Variants in FKBP5 observed in about 807,000 individuals in gnomAD.
The protein encoded by FKBP5 is peptidyl-prolyl cis-trans isomerase FKBP5.
A neutral mutation model predicts 50.5 loss-of-function variants in FKBP5; 23 were observed. The observed-to-expected ratio is 0.46, with a 90% CI of 0.33 to 0.65. FKBP5 has a LOEUF of 0.65. Among genes scored for constraint, FKBP5 ranks in the 30% least tolerant of loss-of-function variants. The pLI is 0.02. For missense variants in FKBP5, 411 were observed against 553.1 expected (o/e 0.74, Z 2.58); for synonymous variants, 176 against 190.6 (o/e 0.92, Z 0.63).
chr6:35,637,457 C>CTT (rs71002581), intron 2 of FKBP5, among the ~76,000 whole-genome samples: 1,195 of 73,240 alleles, frequency 0.016, no homozygotes, highest in Non-Finnish European at 0.021. Flanking sequence ...ACAGTAAACT[C>CTT]TTTTTTTTTT....
chr6:35,609,291 C>T (rs1045662300), intron 5 of FKBP5, among the ~76,000 whole-genome samples: 1 of 151,790 alleles, frequency 6.6e-6, no homozygotes, highest in Non-Finnish European at 1.5e-5. Context: ...TCTGCAAATT[C>T]CAAAAAGTTA....
chr6:35,670,099 T>C (rs1765342382), intron 1 of FKBP5, among the ~76,000 whole-genome samples: 1 of 152,202 alleles, frequency 6.6e-6, no homozygotes, highest in Non-Finnish European at 1.5e-5. Context: ...TTAATATAAA[T>C]TATAAATTAA....
At chr6:35,660,676 T>C (rs1041441345) in intron 1 of FKBP5, among the ~76,000 whole-genome samples, 1 of 83,664 alleles carries the variant, frequency 1.2e-5, no homozygotes, top group African/African-American at 3.7e-5. Context: ...TAGAATACTA[T>C]GTAAATGTCA....
At chr6:35,604,961 T>C (rs1581805959) in intron 5 of FKBP5, among the ~76,000 whole-genome samples, 1 of 152,046 alleles carries the variant, frequency 6.6e-6, no homozygotes, top group East Asian at 1.9e-4. Context: ...ATTTTTTGTA[T>C]TTTTAGTAGA....
At chr6:35,605,094 A>G (rs1001616349) in intron 5 of FKBP5, among the ~76,000 whole-genome samples, 8 of 151,732 alleles carry the variant, frequency 5.3e-5, no homozygotes, top group Admixed American at 2.6e-4. Context: ...GTGTTTTCTT[A>G]TTTTTTAAAA....
intron 5 of FKBP5, among the ~76,000 whole-genome samples, chr6:35,618,628 G>A (rs563193844): frequency 4.6e-5 from 7 of 152,148 alleles, no homozygotes; most frequent in Admixed American, 2.0e-4. Context: ...CTCCTGCCTC[G>A]GCCTCCCAAA....
chr6:35,600,641 T>TA (rs1216385290), intron 5 of FKBP5, among the ~76,000 whole-genome samples: 1 of 152,178 alleles, frequency 6.6e-6, no homozygotes, highest in African/African-American at 2.4e-5. Context: ...ACAACTTAGT[T>TA]AACAGATTTT....
chr6:35,580,952 C>T (rs958173663), intron 8 of FKBP5: 2 of 985,348 alleles, frequency 2.0e-6, no homozygotes, highest in South Asian at 9.4e-5. Context: ...TACATTCTGG[C>T]AAGTGCTAGT....
At chr6:35,712,636 G>A (rs1176579919) in intron 2 of FKBP5, among the ~76,000 whole-genome samples, 1 of 152,062 alleles carries the variant, frequency 6.6e-6, no homozygotes, top group Non-Finnish European at 1.5e-5. Context: ...GAGATCCGAG[G>A]GCTGTCATTG....
chr6:35,691,255 T>C (rs181188242), upstream of FKBP5, among the ~76,000 whole-genome samples: 73 of 152,144 alleles, frequency 4.8e-4, no homozygotes, highest in African/African-American at 1.8e-3. Context: ...AAGGCGTCAT[T>C]GAAGAGGTCA....
chr6:35,588,659 G>A (rs1561846162), intron 7 of FKBP5, among the ~76,000 whole-genome samples: 6 of 151,848 alleles, frequency 4.0e-5, no homozygotes, highest in Admixed American at 3.9e-4. Context: ...GGAGTGCAGT[G>A]GCACGATCGC....
rs753783494 is a variant in FKBP5 at position 35,642,714 on chromosome 6, C to T, written c.105+6G>A. Reference sequence around the variant, plus strand: ...CCTTGTATGTCACTCAGCTTTGTGGCCTCACCTTTAATACTCCCCTGTCTT... The same window carrying T: ...CCTTGTATGTCACTCAGCTTTGTGGTCTCACCTTTAATACTCCCCTGTCTT... On this transcript the variant is annotated splice_donor_region_variant and intron_variant, in intron 2 of 10. Coordinates refer to ENST00000357266, the MANE Select transcript of FKBP5 (RefSeq NM_004117.4). 1 of 1,609,296 alleles carries T rather than the reference C, an allele frequency of 6.2e-7. No individual in the cohort carries two copies. Among genetic ancestry groups the T allele is most frequent in the Non-Finnish European group, 8.5e-7 (1 of 1,176,390 alleles).
chr6:35,668,618 G>GT (rs940122948), intron 1 of FKBP5, among the ~76,000 whole-genome samples: 34 of 150,806 alleles, frequency 2.3e-4, no homozygotes, highest in South Asian at 8.4e-4. Context: ...CTCTTTTGTT[G>GT]TTTTTTTTCT....
At chr6:35,665,431 G>C (rs1765188532) in intron 1 of FKBP5, among the ~76,000 whole-genome samples, 1 of 151,908 alleles carries the variant, frequency 6.6e-6, no homozygotes, top group Non-Finnish European at 1.5e-5. Flanking sequence ...GGGACTACAG[G>C]CGCGTGCCAC....
At chr6:35,679,559 G>A (rs1338514970) in intron 1 of FKBP5, among the ~76,000 whole-genome samples, 1 of 152,106 alleles carries the variant, frequency 6.6e-6, no homozygotes, top group African/African-American at 2.4e-5. Flanking sequence ...AAGAAAACAT[G>A]GCATACACAC....
In FKBP5 at chr6:35,604,749, T is replaced by C. The variant is rs187956141; in HGVS notation, c.509-7345A>G. Among the ~76,000 whole-genome samples the C allele has an allele frequency of 3.9e-3, 594 of 152,310 alleles. 5 individuals are homozygous for C. The highest frequency in any genetic ancestry group is 0.011 in the African/African-American group (470 of 41,552). On this transcript the variant is annotated intron_variant, in intron 5 of 10. Transcript: ENST00000357266. Reference sequence around the variant, plus strand: ...TCCCATTCATATTTTTTGTAATCACTGATATGAGTGGTTTTATTCTTGTCT... The same window carrying C: ...TCCCATTCATATTTTTTGTAATCACCGATATGAGTGGTTTTATTCTTGTCT...
intron 1 of FKBP5, among the ~76,000 whole-genome samples, chr6:35,670,082 GA>G (rs1483236283): frequency 1.7e-4 from 26 of 152,070 alleles, no homozygotes; most frequent in African/African-American, 6.0e-4. Flanking sequence ...CCTTTTCAAT[GA>G]ATAGGTTAAT....
intron 1 of FKBP5, among the ~76,000 whole-genome samples, chr6:35,681,232 A>G (rs1765653387): frequency 6.6e-6 from 1 of 152,198 alleles, no homozygotes; most frequent in African/African-American, 2.4e-5. Context: ...GTTTGAGTAA[A>G]TGTATATAAC....
In FKBP5 at chr6:35,575,671, C is replaced by T; in HGVS notation, c.*164G>A. ...ACCCCTCAGTGAACCCTCCGGGCAG[C>T]AGCAGGGGGGCTGTTTTTGGGAAGC... is the stretch of plus-strand genomic sequence containing the variant. On this transcript the variant is annotated 3_prime_UTR_variant, in exon 11 of 11. Coordinates refer to ENST00000357266, the MANE Select transcript of FKBP5 (RefSeq NM_004117.4). 3.2e-6 allele frequency: 2 copies of T among 626,846 alleles called. No homozygotes were observed. The highest frequency in any genetic ancestry group is 5.4e-5 in the East Asian group (2 of 37,274). 38.8% of individuals were successfully genotyped at this position (626,846 alleles called of 1,614,324 possible). A position where few individuals can be genotyped will look rare whatever the true frequency, so the allele number is the denominator to read the frequency against.
Sources: allele counts gnomAD v4.1 joint callset (sites outside exome capture counted in the v4.1 genomes callset), GRCh38; gene constraint gnomAD v4.1.1; transcripts MANE v1.5; gene names NCBI Gene and HGNC (gene_info 2026-07-23, HGNC 2026-07-21).